The following RYR3 variants were observed in gnomAD, a reference collection of about 807,000 sequenced individuals.
RYR3 encodes ryanodine receptor 3.
In RYR3, 207 loss-of-function variants were observed where a neutral mutation model predicts 584.3. The observed-to-expected ratio is 0.35, with a 90% CI of 0.32 to 0.40. The LOEUF (loss-of-function observed/expected upper bound fraction) is 0.40. Ranked by LOEUF, RYR3 falls within the 10% of genes least tolerant of loss-of-function variation. The pLI, the probability that RYR3 is intolerant of heterozygous loss-of-function variation, is 1.00. For missense variants in RYR3, 5,616 were observed against 6,089.2 expected, an observed-to-expected ratio of 0.92 and a Z score of 2.59; for synonymous variants, 2,416 against 2,248.5, an observed-to-expected ratio of 1.07 and a Z score of -2.11.
At chr15:33,666,230 T>C (rs1596053648) in intron 36 of RYR3, among the ~76,000 whole-genome samples, 1 of 152,236 alleles carries the variant, frequency 6.6e-6, no homozygotes, top group East Asian at 1.9e-4. Flanking sequence ...GGTCTCGAAC[T>C]CCTGACCTCA....
At chr15:33,658,975 C>T (rs1021746373) in intron 32 of RYR3, among the ~76,000 whole-genome samples, 1 of 152,202 alleles carries the variant, frequency 6.6e-6, no homozygotes, top group Non-Finnish European at 1.5e-5. Context: ...TTTGTTATTC[C>T]AGTGAGGGAC....
intron 20 of RYR3, among the ~76,000 whole-genome samples, chr15:33,624,302 A>C (rs1307663015): frequency 6.6e-6 from 1 of 152,130 alleles, no homozygotes; most frequent in Admixed American, 6.5e-5. Context: ...CAAGTTAAAG[A>C]TGTAAGAAGC....
intron 2 of RYR3, among the ~76,000 whole-genome samples, chr15:33,494,248 T>C (rs2051226481): frequency 6.6e-6 from 1 of 152,224 alleles, no homozygotes; most frequent in African/African-American, 2.4e-5. Flanking sequence ...CAAGCGTTTT[T>C]CTTAAGTAAA....
chr15:33,547,970 T>A (rs2141218407), intron 8 of RYR3, among the ~76,000 whole-genome samples, 160 bp from the exon 9 acceptor site: 1 of 152,300 alleles, frequency 6.6e-6, no homozygotes, highest in Admixed American at 6.5e-5. Flanking sequence ...AGAGAGAGAC[T>A]GGGAAACTGT....
At chr15:33,822,528 A>G (rs2077163257) in intron 80 of RYR3, among the ~76,000 whole-genome samples, 1 of 152,214 alleles carries the variant, frequency 6.6e-6, no homozygotes, top group African/African-American at 2.4e-5. Flanking sequence ...TGACTTTCTT[A>G]TGGGGCCTTT....
intron 12 of RYR3, among the ~76,000 whole-genome samples, chr15:33,577,146 T>A (rs1420617404): frequency 6.6e-6 from 1 of 152,334 alleles, no homozygotes; most frequent in East Asian, 1.9e-4. Flanking sequence ...AAACACTCCA[T>A]GCTCATGGAT....
At chr15:33,809,093 ATT>A (rs2076368863) in intron 70 of RYR3, among the ~76,000 whole-genome samples, 1 of 152,184 alleles carries the variant, frequency 6.6e-6, no homozygotes, top group Non-Finnish European at 1.5e-5. Flanking sequence ...TTGGAAAGCA[ATT>A]TAAAGAGATT....
At chr15:33,702,898 TA>T (rs1386206163) in intron 42 of RYR3, among the ~76,000 whole-genome samples, 1 of 151,778 alleles carries the variant, frequency 6.6e-6, no homozygotes, top group Non-Finnish European at 1.5e-5. Context: ...GAGAAATAAA[TA>T]CACATTTTTT....
In RYR3 at chr15:33,744,428, G is replaced by A. The variant is rs371302392; in HGVS notation, c.7900-1640G>A. Among the ~76,000 whole-genome samples, 13 of 152,206 alleles carry A rather than the reference G, an allele frequency of 8.5e-5. No homozygotes were observed. In the East Asian group the frequency reaches 1.2e-3, roughly 14 times the overall value. ...TACATGCTGCTCACCAGTACCAGGC[G>A]GCGCTGATTATCTCACAAGAAAAAG... On this transcript the variant is annotated intron_variant, in intron 52 of 103. Transcript: ENST00000634891.
intron 2 of RYR3, among the ~76,000 whole-genome samples, chr15:33,482,658 C>G (rs895978171): frequency 8.5e-5 from 13 of 152,104 alleles, no homozygotes; most frequent in Admixed American, 7.9e-4. Flanking sequence ...ACGTTAAGTG[C>G]TCCTCCCACC....
chr15:33,321,625 G>A (rs1289901667), intron 1 of RYR3, among the ~76,000 whole-genome samples: 2 of 152,076 alleles, frequency 1.3e-5, no homozygotes, highest in Non-Finnish European at 2.9e-5. Context: ...CACCCTAATT[G>A]GTTCTTCATT....
chr15:33,662,291 C>T lies in RYR3; in HGVS notation c.4761C>T (p.Ser1587=). ...CCCTGTGCAGCCACGTGGACCTCTC[C>T]CAGCTCTTCTATGCCATTGACAACA... The part of the protein sequence containing the change: ...AYALCSHVDL[S]QLFYAIDNKY... Residue 1587 remains serine, a synonymous_variant, in exon 35 of 104, where the codon TCC becomes TCT. Coordinates refer to ENST00000634891, the MANE Select transcript of RYR3 (RefSeq NM_001036.6). The T allele has an allele frequency of 6.2e-7, 1 of 1,611,234 alleles. No homozygotes were observed.
intron 53 of RYR3, among the ~76,000 whole-genome samples, chr15:33,747,789 AT>A (rs1275033650): frequency 6.6e-6 from 1 of 152,156 alleles, no homozygotes; most frequent in Admixed American, 6.5e-5. Flanking sequence ...ATGCAGATGC[AT>A]TTTGACAATC....
chr15:33,387,009 C>G (rs2141246065), intron 1 of RYR3, among the ~76,000 whole-genome samples: 1 of 152,200 alleles, frequency 6.6e-6, no homozygotes, highest in South Asian at 2.1e-4. Context: ...AGGCGCCCAC[C>G]ACCACGCCCG....
chr15:33,382,410 G>A lies in RYR3; in HGVS notation c.51+71314G>A, dbSNP rs183057187. ...ACAGTCTTGGCTCACTGCAACTTCC[G>A]CCTCCTGGGTTCAAGCAATTCTCCT... On this transcript the variant is annotated intron_variant, in intron 1 of 103. Transcript: ENST00000634891. Among the ~76,000 whole-genome samples the A allele has an allele frequency of 3.0e-5, 4 of 133,234 alleles. No individual in the cohort carries two copies. The East Asian group carries it at 7.4e-4, about 25-fold the overall frequency. 87.4% of individuals were successfully genotyped at this position (133,234 alleles called of 152,430 possible).
chr15:33,365,891 A>G (rs1018272818), intron 1 of RYR3, among the ~76,000 whole-genome samples: 2 of 152,298 alleles, frequency 1.3e-5, no homozygotes, highest in South Asian at 2.1e-4. Flanking sequence ...GTGGTTTTTA[A>G]AAAAGTTATC....
Position 33,411,369 on chromosome 15 carries a change from G to A in RYR3, c.52-62050G>A, listed in dbSNP as rs1382464468. Among the ~76,000 whole-genome samples, 11 of 152,228 alleles carry A rather than the reference G, an allele frequency of 7.2e-5. No homozygotes were observed. In the East Asian group the frequency reaches 2.1e-3, roughly 29 times the overall value. On this transcript the variant is annotated intron_variant, in intron 1 of 103. Coordinates refer to ENST00000634891, the MANE Select transcript of RYR3 (RefSeq NM_001036.6). ...AGGCAGCTGTGCAGCCTGCCTTTAA[G>A]AAGTCTGATGACAGACATCTGTCAC...
rs767368658 is a variant in RYR3, at chr15:33,838,423, C to T, written c.12443C>T (p.Ser4148Phe). 11 of 1,614,022 alleles carry T rather than the reference C, an allele frequency of 6.8e-6. No individual in the cohort carries two copies. Among genetic ancestry groups the T allele is most frequent in the Non-Finnish European group, 8.5e-6 (10 of 1,179,898 alleles). The change falls in exon 89 of 104, where the codon TCT (serine) becomes TTT (phenylalanine). Residue 4148 changes from serine (S) to phenylalanine (F), a missense_variant. Ser to Phe is a radical substitution (Grantham distance 155, BLOSUM62 -2). This residue lies in a region of RYR3 where 918 missense variants were observed against 887.4 expected (regional missense o/e 1.03). Coordinates refer to ENST00000634891, the MANE Select transcript of RYR3 (RefSeq NM_001036.6). Reference sequence around the variant, plus strand: ...TCTGCATTTGCTATGGCCTGTGCCTCTGTGAAGAGGAATGTCACCGACTTC... The same window carrying T: ...TCTGCATTTGCTATGGCCTGTGCCTTTGTGAAGAGGAATGTCACCGACTTC... ...PASAFAMACA[S>F]VKRNVTDFLK...
chr15:33,660,188 G>A lies in RYR3; in HGVS notation c.4396-9G>A, dbSNP rs201852803. On this transcript the variant is annotated splice_polypyrimidine_tract_variant and intron_variant, in intron 33 of 103. Transcript: ENST00000634891. ...GTTTCTTTTCCAATGCCTTTCCCAC[G>A]TGCCCCAGAACGCAATGCCCCTGTC... 509 of 1,542,210 alleles carry A rather than the reference G, an allele frequency of 3.3e-4. No homozygotes were observed. The highest frequency in any genetic ancestry group is 6.7e-4 in the Middle Eastern group (4 of 5,950).
Sources: gnomAD v4.1 joint callset for allele counts (sites outside exome capture counted in the v4.1 genomes callset) on GRCh38, gnomAD v4.1.1 for gene constraint, gnomAD v4.1.1 regional missense constraint, MANE v1.5 for transcripts, NCBI Gene and HGNC (gene_info 2026-07-23, HGNC 2026-07-21) for gene names.